SLC9A8: variants seen among roughly 807,000 people sequenced by gnomAD.
The protein encoded by SLC9A8 is sodium/hydrogen exchanger 8.
A neutral mutation model predicts 66.6 loss-of-function variants in SLC9A8; 48 were observed. The observed-to-expected ratio is 0.72, with a 90% CI of 0.57 to 0.92. SLC9A8 has a LOEUF of 0.92. Among genes scored for constraint, SLC9A8 ranks in the 40% least tolerant of loss-of-function variants. The pLI is 0.00. For missense variants in SLC9A8, 599 were observed against 747.3 expected, an observed-to-expected ratio of 0.80 and a Z score of 2.31; for synonymous variants, 274 against 282.6, an observed-to-expected ratio of 0.97 and a Z score of 0.31.
At chr20:49,847,020 T>C (rs2088025655) in intron 5 of SLC9A8, among the ~76,000 whole-genome samples, 1 of 152,222 alleles carries the variant, frequency 6.6e-6, no homozygotes. Context: ...TGTCTAGAAA[T>C]GTTTGGTAAA....
rs1308075295 is a variant in SLC9A8 at position 49,815,045 on chromosome 20, A to T, written c.64A>T (p.Thr22Ser). Residue 22 changes from threonine (T) to serine (S), a missense_variant, in exon 2 of 16, where the codon ACC becomes TCC. Around this residue, in one of 2 missense-constraint regions of SLC9A8, gnomAD observed 132 missense variants for 120.9 expected, o/e 1.09. Transcript: ENST00000361573. ...PNTTHEGFNV[T>S]LHTTLVVTTK... ...TACAACTCATGAGGGTTTCAATGTC[A>T]CCCTCCACACCACCCTGGTTGTCAC... The T allele has an allele frequency of 1.6e-5, 26 of 1,601,228 alleles. No homozygotes were observed. Among genetic ancestry groups the T allele is most frequent in the Non-Finnish European group, 2.2e-5 (26 of 1,173,696 alleles).
At chr20:49,829,717 G>A in intron 3 of SLC9A8, 1 of 495,100 alleles carries the variant, frequency 2.0e-6, no homozygotes, top group Non-Finnish European at 4.0e-6. Context: ...AGAGCCCAAA[G>A]GGAAAGATCA....
rs6095698 is a variant in SLC9A8, at chr20:49,867,572, A to G, written c.958+2728A>G. 1.6e-3 allele frequency among the ~76,000 whole-genome samples: 239 copies of G among 152,322 alleles called. 2 individuals carry two copies. Among genetic ancestry groups the G allele is most frequent in the African/African-American group, 5.6e-3 (232 of 41,574 alleles). On this transcript the variant is annotated intron_variant, in intron 10 of 15. Transcript: ENST00000361573. ...AGTCAAAGACTCAAGGGGACTTTAC[A>G]GTAGATGTCCAAGAGCTCTCTTTCT...
chr20:49,851,904 G>A (rs561226020), intron 7 of SLC9A8, among the ~76,000 whole-genome samples: 2 of 152,268 alleles, frequency 1.3e-5, no homozygotes, highest in Admixed American at 1.3e-4. Flanking sequence ...CTTGTTTTGG[G>A]GGCAACTGGT....
intron 3 of SLC9A8, among the ~76,000 whole-genome samples, chr20:49,826,820 T>C (rs1299658390): frequency 1.3e-5 from 2 of 152,254 alleles, no homozygotes; most frequent in Non-Finnish European, 2.9e-5. Flanking sequence ...TTTATCTTGT[T>C]TCATTCTCTT....
At chr20:49,874,973 C>T in intron 11 of SLC9A8, 152 bp downstream of exon 11, 2 of 651,968 alleles carry the variant, frequency 3.1e-6, no homozygotes, top group South Asian at 3.7e-5. Context: ...TTTGTTTGTT[C>T]CTCTGGCTTT....
intron 3 of SLC9A8, among the ~76,000 whole-genome samples, chr20:49,836,065 A>G (rs766167710): frequency 1.3e-5 from 2 of 152,132 alleles, no homozygotes; most frequent in Non-Finnish European, 2.9e-5. Context: ...TCACCTCAAA[A>G]AGAAACCACA....
At chr20:49,813,854 G>A (rs2086449554) in intron 1 of SLC9A8, among the ~76,000 whole-genome samples, 1 of 152,038 alleles carries the variant, frequency 6.6e-6, no homozygotes, top group African/African-American at 2.4e-5. Flanking sequence ...GTGTAGAGAG[G>A]AAGGGGGTTA....
chr20:49,813,100 G>A, intron 1 of SLC9A8, 152 bp downstream of exon 1: 1 of 500,400 alleles, frequency 2.0e-6, no homozygotes, highest in Non-Finnish European at 3.3e-6. Context: ...GAGGAGGGCG[G>A]GATGGGCGGG....
chr20:49,841,374 G>A (rs2087754658), intron 4 of SLC9A8, among the ~76,000 whole-genome samples: 1 of 151,436 alleles, frequency 6.6e-6, no homozygotes, highest in Non-Finnish European at 1.5e-5. Flanking sequence ...TGGAGAGTCA[G>A]AGTGAGAAGT....
At chr20:49,834,308 CAG>C in intron 3 of SLC9A8, among the ~76,000 whole-genome samples, 1 of 123,184 alleles carries the variant, frequency 8.1e-6, no homozygotes, top group African/African-American at 3.0e-5. Context: ...ACTATATATA[CAG>C]TGTGTATATA....
Position 49,887,996 on chromosome 20 carries a change from A to C in SLC9A8, c.*60A>C. On this transcript the variant is annotated 3_prime_UTR_variant, in exon 16 of 16. Transcript: ENST00000361573. The stretch of plus-strand genomic sequence containing the variant: ...GGATGGGCGTTTGCTGCGCACAGAC[A>C]CTCAGCAGGGGCCTCGCAGAGATGC... 7.5e-7 allele frequency: 1 copy of C among 1,332,830 alleles called. No homozygotes were observed. Among genetic ancestry groups the C allele is most frequent in the Non-Finnish European group, 1.1e-6 (1 of 927,078 alleles). 82.6% of individuals were successfully genotyped at this position (1,332,830 alleles called of 1,614,324 possible). A position where few individuals can be genotyped will look rare whatever the true frequency, so the allele number is the denominator to read the frequency against.
intron 5 of SLC9A8, 132 bp from the exon 6 acceptor site, chr20:49,849,447 G>T (rs2088153992): frequency 4.5e-6 from 3 of 665,948 alleles, no homozygotes; most frequent in Non-Finnish European, 8.0e-6. Flanking sequence ...CTCCCAGCTT[G>T]CCACACAGGT....
At chr20:49,834,433 G>GTA (rs765521098) in intron 3 of SLC9A8, among the ~76,000 whole-genome samples, 324 of 28,078 alleles carry the variant, frequency 0.012, 11 homozygotes, top group African/African-American at 0.026. Flanking sequence ...TATATATACT[G>GTA]TATATATATA....
chr20:49,823,582 G>A (rs115986894), intron 3 of SLC9A8, among the ~76,000 whole-genome samples: 1,625 of 152,236 alleles, frequency 0.011, 36 homozygotes, highest in African/African-American at 0.038. Context: ...GCCAGAGTCA[G>A]GTCTAAAGTC....
chr20:49,887,916 G>A lies in SLC9A8; in HGVS notation c.1726G>A (p.Asp576Asn), dbSNP rs1272957164. ...VRQGPSGSED[D>N]EQELL ...CCAGGGCCCCTCCGGCTCCGAGGACGACGAGCAGGAGCTGCTCTGACGCCA... is the reference window on the plus strand; with the variant it reads ...CCAGGGCCCCTCCGGCTCCGAGGACAACGAGCAGGAGCTGCTCTGACGCCA... The change falls in exon 16 of 16, where the codon GAC (aspartate) becomes AAC (asparagine). Residue 576 changes from aspartate (D) to asparagine (N), a missense_variant. Coordinates refer to ENST00000361573, the MANE Select transcript of SLC9A8 (RefSeq NM_015266.3). The A allele has an allele frequency of 5.0e-6, 8 of 1,613,604 alleles. No individual in the cohort carries two copies. Among genetic ancestry groups the A allele is most frequent in the South Asian group, 2.2e-5 (2 of 91,042 alleles).
chr20:49,862,325 G>A (rs1208364552), intron 8 of SLC9A8, among the ~76,000 whole-genome samples: 1 of 151,938 alleles, frequency 6.6e-6, no homozygotes, highest in African/African-American at 2.4e-5. Flanking sequence ...GTAGTTGTGC[G>A]ATCTTGGCCC....
chr20:49,823,054 T>TC lies in SLC9A8; in HGVS notation c.209-5dup, dbSNP rs2086799156. On this transcript the variant is annotated splice_polypyrimidine_tract_variant and splice_region_variant and intron_variant, in intron 2 of 15. Coordinates refer to ENST00000361573, the MANE Select transcript of SLC9A8 (RefSeq NM_015266.3). ...TTTAAAACATTGTATTATTTTTTTT[T>TC]CCACAGCTATCTGCATCATATTGGT... The TC allele has an allele frequency of 1.9e-6, 3 of 1,608,098 alleles. No homozygotes were observed. The highest frequency in any genetic ancestry group is 8.5e-7 in the Non-Finnish European group (1 of 1,175,028).
At chr20:49,865,481 G>A (rs1416917313) in intron 10 of SLC9A8, among the ~76,000 whole-genome samples, 1 of 152,164 alleles carries the variant, frequency 6.6e-6, no homozygotes, top group Non-Finnish European at 1.5e-5. Flanking sequence ...AAGCTGCACT[G>A]CACAAGCAGT....
Sources: allele counts gnomAD v4.1 joint callset (sites outside exome capture counted in the v4.1 genomes callset), GRCh38; gene constraint gnomAD v4.1.1; regional missense constraint gnomAD v4.1.1; transcripts MANE v1.5; gene names NCBI Gene and HGNC (gene_info 2026-07-23, HGNC 2026-07-21).